SLC8A1: variants seen among roughly 807,000 people sequenced by gnomAD.
SLC8A1 encodes sodium/calcium exchanger 1.
Under a neutral mutation model 68.3 loss-of-function variants are expected in SLC8A1, and 18 were observed. That is an observed-to-expected ratio of 0.26 (90% CI 0.18 to 0.39). The LOEUF (loss-of-function observed/expected upper bound fraction) is 0.39, where lower values mean the gene tolerates loss of function less well. Ranked by LOEUF, SLC8A1 falls within the 10% of genes least tolerant of loss-of-function variation. The pLI is 1.00. For synonymous variants in SLC8A1, 475 were observed against 415.5 expected (o/e 1.14, Z -1.74); for missense variants, 985 against 1,156.7 (o/e 0.85, Z 2.15).
chr2:40,204,840 G>A (rs1294084664), intron 2 of SLC8A1, among the ~76,000 whole-genome samples: 2 of 151,520 alleles, frequency 1.3e-5, no homozygotes, highest in Non-Finnish European at 2.9e-5. Context: ...TTGAAATCTG[G>A]TATTTATGGT....
At chr2:40,283,229 G>A (rs562652219) in intron 2 of SLC8A1, among the ~76,000 whole-genome samples, 1 of 152,328 alleles carries the variant, frequency 6.6e-6, no homozygotes, top group South Asian at 2.1e-4. Context: ...TGAAGATACA[G>A]TAAGGCTAGT....
intron 2 of SLC8A1, among the ~76,000 whole-genome samples, chr2:40,289,498 G>T (rs1458216907): frequency 6.6e-6 from 1 of 151,922 alleles, no homozygotes; most frequent in East Asian, 1.9e-4. Flanking sequence ...ACTGTCTCCA[G>T]ACAATCCCAT....
At chr2:40,265,045 CAG>C (rs2065187932) in intron 2 of SLC8A1, among the ~76,000 whole-genome samples, 2 of 152,240 alleles carry the variant, frequency 1.3e-5, no homozygotes, top group East Asian at 3.9e-4. Flanking sequence ...ATGTAAATGA[CAG>C]AGGAATGTGT....
chr2:40,168,519 T>C (rs1573480345), intron 4 of SLC8A1, among the ~76,000 whole-genome samples: 1 of 152,238 alleles, frequency 6.6e-6, no homozygotes, highest in Non-Finnish European at 1.5e-5. Flanking sequence ...ACAGTTATAC[T>C]GATAAATTCA....
chr2:40,360,810 G>T (rs984280910), intron 2 of SLC8A1, among the ~76,000 whole-genome samples: 3 of 152,154 alleles, frequency 2.0e-5, no homozygotes, highest in Non-Finnish European at 2.9e-5. Context: ...TTAGGGCAAG[G>T]TCTGCCCTCT....
chr2:40,116,467 C>T (rs541549392), intron 7 of SLC8A1, among the ~76,000 whole-genome samples: 72 of 152,256 alleles, frequency 4.7e-4, no homozygotes, highest in African/African-American at 1.6e-3. Flanking sequence ...TCCCCCAACC[C>T]CCACCCCACA....
At chr2:40,334,887 AG>A (rs1288686257) in intron 2 of SLC8A1, among the ~76,000 whole-genome samples, 4 of 152,192 alleles carry the variant, frequency 2.6e-5, no homozygotes, top group Non-Finnish European at 4.4e-5. Flanking sequence ...CTCAGCCTTT[AG>A]GGGGTGAGGG....
At chr2:40,388,981 G>A (rs1300164331) in intron 2 of SLC8A1, among the ~76,000 whole-genome samples, 1 of 152,072 alleles carries the variant, frequency 6.6e-6, no homozygotes, top group Non-Finnish European at 1.5e-5. Context: ...AAACGTAAGT[G>A]TTCACCTATC....
At chr2:40,265,166 T>A (rs417533) in intron 2 of SLC8A1, among the ~76,000 whole-genome samples, 36,620 of 151,966 alleles carry the variant, frequency 0.24, 6,371 homozygotes, top group East Asian at 0.58. Flanking sequence ...AAGGACAATG[T>A]AGAGTAGACG....
intron 2 of SLC8A1, among the ~76,000 whole-genome samples, chr2:40,240,202 G>C (rs1488727203): frequency 1.3e-5 from 2 of 152,240 alleles, no homozygotes; most frequent in African/African-American, 2.4e-5. Flanking sequence ...ATTATCCCTA[G>C]ATACAGAGAG....
chr2:40,129,140 A>C (rs538877548), intron 7 of SLC8A1, among the ~76,000 whole-genome samples: 1 of 152,364 alleles, frequency 6.6e-6, no homozygotes, highest in Admixed American at 6.5e-5. Context: ...ATGGTATGTA[A>C]GTGATACCAC....
chr2:40,451,170 C>T (rs936126321), intron 1 of SLC8A1, among the ~76,000 whole-genome samples: 10 of 152,166 alleles, frequency 6.6e-5, no homozygotes, highest in African/African-American at 2.4e-4. Context: ...ACCATTTCCC[C>T]CAAGAGCCAG....
chr2:40,183,452 G>T (rs1437524700), intron 2 of SLC8A1, among the ~76,000 whole-genome samples: 1 of 152,200 alleles, frequency 6.6e-6, no homozygotes, highest in Non-Finnish European at 1.5e-5. Context: ...AATCATTGAG[G>T]AGATAAAGGT....
intron 2 of SLC8A1, among the ~76,000 whole-genome samples, chr2:40,389,844 C>T (rs1170086269): frequency 6.8e-6 from 1 of 146,788 alleles, no homozygotes; most frequent in East Asian, 2.0e-4. Context: ...ATATATATAT[C>T]ATATATATCA....
In SLC8A1 at chr2:40,277,788, A is replaced by ATT. The variant is rs1553469250; in HGVS notation, c.1809-99934_1809-99933insAA. 1.1e-4 allele frequency among the ~76,000 whole-genome samples: 9 copies of ATT among 79,356 alleles called. No individual in the cohort carries two copies. The Admixed American group carries it at 1.2e-3, about 10-fold the overall frequency. The allele number at this position is 79,356 out of a possible 152,430, so 52.1% of individuals were successfully genotyped here. On this transcript the variant is annotated intron_variant, in intron 2 of 7. Transcript: ENST00000406785. ...TAAACATATGTATAAATATATATAT[A>ATT]TGTGTGTATATATATATATATATAT...
chr2:40,462,676 T>C (rs934174584), intron 1 of SLC8A1, among the ~76,000 whole-genome samples: 2 of 151,920 alleles, frequency 1.3e-5, no homozygotes, highest in Admixed American at 6.6e-5. Context: ...GATGTGGTGG[T>C]GCATGCCTGT....
chr2:40,183,900 A>C (rs550301161), intron 2 of SLC8A1, among the ~76,000 whole-genome samples: 1 of 152,320 alleles, frequency 6.6e-6, no homozygotes, highest in South Asian at 2.1e-4. Flanking sequence ...TCATGCCTGT[A>C]ATCCTAGCAC....
intron 2 of SLC8A1, among the ~76,000 whole-genome samples, chr2:40,249,977 C>G (rs138887720): frequency 1.3e-5 from 2 of 152,134 alleles, no homozygotes; most frequent in African/African-American, 4.8e-5. Context: ...ATCTATTGGT[C>G]TAGGTCTATA....
intron 1 of SLC8A1, among the ~76,000 whole-genome samples, chr2:40,435,718 A>T (rs1403767530): frequency 6.6e-6 from 1 of 152,264 alleles, no homozygotes; most frequent in Middle Eastern, 3.4e-3. Flanking sequence ...TTGAAAACTC[A>T]TGAGATGCAC....
Sources: gnomAD v4.1 joint callset for allele counts (sites outside exome capture counted in the v4.1 genomes callset) on GRCh38, gnomAD v4.1.1 for gene constraint, MANE v1.5 for transcripts, NCBI Gene and HGNC (gene_info 2026-07-23, HGNC 2026-07-21) for gene names.